Variants in PPFIA1 observed in about 807,000 individuals in gnomAD.
PPFIA1 encodes PPFI scaffold protein A1.
In PPFIA1, 25 loss-of-function variants were observed where a neutral mutation model predicts 149.9. The observed-to-expected ratio is 0.17, with a 90% CI of 0.12 to 0.23. The LOEUF (loss-of-function observed/expected upper bound fraction) is 0.23. PPFIA1 is among the 10% of genes least tolerant of loss of function. The probability of loss-of-function intolerance (pLI) is 1.00; values close to 1 mark genes in which losing one functional copy is unlikely to be tolerated. For synonymous variants in PPFIA1, 549 were observed against 552.8 expected, an observed-to-expected ratio of 0.99 and a Z score of 0.10; for missense variants, 1,362 against 1,506.5, an observed-to-expected ratio of 0.90 and a Z score of 1.59.
rs560581316 is a variant in PPFIA1 at position 70,274,342 on chromosome 11, C to T, written c.264+1906C>T. Among the ~76,000 whole-genome samples the T allele has an allele frequency of 6.6e-5, 10 of 152,210 alleles. No individual in the cohort carries two copies. The South Asian group carries it at 2.1e-3, about 32-fold the overall frequency. Reference sequence around the variant, plus strand: ...TAAGTATACATCTCAGTGGACTTTTCACAAAGTTAACACACTTGCATACCA... The same window carrying T: ...TAAGTATACATCTCAGTGGACTTTTTACAAAGTTAACACACTTGCATACCA... On this transcript the variant is annotated intron_variant, in intron 2 of 27. Coordinates refer to ENST00000253925, the MANE Select transcript of PPFIA1 (RefSeq NM_003626.5).
intron 26 of PPFIA1, among the ~76,000 whole-genome samples, chr11:70,380,393 C>T (rs568735736): frequency 2.6e-5 from 4 of 151,278 alleles, no homozygotes; most frequent in African/African-American, 4.9e-5. Context: ...CGGTGAAACT[C>T]CATCTCTACT....
At chr11:70,275,389 A>G (rs1459879018) in intron 2 of PPFIA1, among the ~76,000 whole-genome samples, 1 of 151,734 alleles carries the variant, frequency 6.6e-6, no homozygotes, top group Non-Finnish European at 1.5e-5. Context: ...TTGCCTTTTC[A>G]CTCTCTCAGT....
At chr11:70,335,485 C>G in intron 10 of PPFIA1, 78 bp from the exon 11 acceptor site, 6 of 1,539,484 alleles carry the variant, frequency 3.9e-6, no homozygotes, top group Non-Finnish European at 5.3e-6. Context: ...TGGGGCTCAC[C>G]CTGTTGGTCC....
At chr11:70,324,781 C>T (rs1020825765) in intron 3 of PPFIA1, 66 bp from the exon 4 acceptor site, 1 of 1,395,992 alleles carries the variant, frequency 7.2e-7, no homozygotes, top group Admixed American at 2.3e-5. Context: ...GAGTTATTTG[C>T]CCCAGATTCA....
intron 23 of PPFIA1, 26 bp downstream of exon 23, chr11:70,372,600 C>A (rs10466704): frequency 4.3e-5 from 67 of 1,551,456 alleles, no homozygotes; most frequent in Admixed American, 1.8e-4. Flanking sequence ...TTAATTGATT[C>A]GGTTTACTCC....
chr11:70,324,115 T>G (rs927465684), intron 2 of PPFIA1, among the ~76,000 whole-genome samples: 1 of 152,232 alleles, frequency 6.6e-6, no homozygotes, highest in Non-Finnish European at 1.5e-5. Flanking sequence ...GGAAAATGTT[T>G]TGGACTTCTC....
chr11:70,334,299 G>A (rs773340499), intron 10 of PPFIA1: 8 of 152,248 alleles, frequency 5.3e-5, no homozygotes, highest in Middle Eastern at 3.4e-3. Context: ...CTCTTGCACC[G>A]TCACATCAGC....
Position 70,362,096 on chromosome 11 carries a change from C to T in PPFIA1, c.2584C>T (p.His862Tyr), listed in dbSNP as rs1308946267. The change falls in exon 20 of 28, where the codon CAT (histidine) becomes TAT (tyrosine). Residue 862 changes from histidine (H) to tyrosine (Y), a missense_variant and splice_region_variant. Around this residue, in one of 7 missense-constraint regions of PPFIA1, gnomAD observed 91 missense variants for 91.2 expected, o/e 1.00. Transcript: ENST00000253925. ...TTTTCAATATCTTCTCCTTTATAGG[C>T]ATGAATTGCTGGAGGAAGCCCGGAG... is the stretch of plus-strand genomic sequence containing the variant. ...AEKNRKLQKKHELLEEARRQG... is the reference protein window; with the variant it reads ...AEKNRKLQKKYELLEEARRQG... 6.2e-7 allele frequency: 1 copy of T among 1,613,680 alleles called. No homozygotes were observed. The highest frequency in any genetic ancestry group is 8.5e-7 in the Non-Finnish European group (1 of 1,179,646).
Position 70,384,135 on chromosome 11 carries a change from AC to A in PPFIA1, c.*1146del, listed in dbSNP as rs1356600854. On this transcript the variant is annotated 3_prime_UTR_variant, in exon 28 of 28. Coordinates refer to ENST00000253925, the MANE Select transcript of PPFIA1 (RefSeq NM_003626.5). ...CTTTTACTTTTTAAATGGCATATTA[AC>A]AAGCCAGCAAAGTGTGTCAGACCAT... 1 of 152,224 alleles carries A rather than the reference AC, an allele frequency of 6.6e-6. No individual in the cohort carries two copies. Among genetic ancestry groups the A allele is most frequent in the African/African-American group, 2.4e-5 (1 of 41,452 alleles). The allele number at this position is 152,224 out of a possible 1,614,324, so 9.4% of individuals were successfully genotyped here.
rs1359880961 is a variant in PPFIA1, at chr11:70,356,216, G to C, written c.2544G>C (p.Leu848Phe). 2 of 1,613,586 alleles carry C rather than the reference G, an allele frequency of 1.2e-6. No homozygotes were observed. Among genetic ancestry groups the C allele is most frequent in the Non-Finnish European group, 1.7e-6 (2 of 1,179,952 alleles). Residue 848 changes from leucine (L) to phenylalanine (F), a missense_variant, in exon 19 of 28, where the codon TTG (leucine) becomes TTC (phenylalanine). Coordinates refer to ENST00000253925, the MANE Select transcript of PPFIA1 (RefSeq NM_003626.5). ...AGGATGCCTTGGGACTTAGCAAATT[G>C]GGGGGACAGGCTGAAAAAAATCGTA... Reference protein sequence around the residue: ...SSQDALGLSKLGGQAEKNRKL... With the variant: ...SSQDALGLSKFGGQAEKNRKL...
In PPFIA1 at chr11:70,345,928, G is replaced by T. The variant is rs754323282; in HGVS notation, c.1931+2036G>T. 14 of 431,452 alleles carry T rather than the reference G, an allele frequency of 3.2e-5. 1 individual carries two copies. Among genetic ancestry groups the T allele is most frequent in the South Asian group, 2.3e-4 (14 of 61,784 alleles). 26.7% of individuals were successfully genotyped at this position (431,452 alleles called of 1,614,324 possible). A position where few individuals can be genotyped will look rare whatever the true frequency, so the allele number is the denominator to read the frequency against. ...CAGTGGCCTGGTACAGAACACTGGAGCTCTTCAGGAGTGCACGGCTCCACT... is the reference window on the plus strand; with the variant it reads ...CAGTGGCCTGGTACAGAACACTGGATCTCTTCAGGAGTGCACGGCTCCACT... On this transcript the variant is annotated intron_variant, in intron 15 of 27. Transcript: ENST00000253925.
intron 24 of PPFIA1, 66 bp downstream of exon 24, chr11:70,375,159 T>C: frequency 1.0e-6 from 1 of 954,076 alleles, no homozygotes; most frequent in Non-Finnish European, 1.4e-6. Flanking sequence ...AGACAGCTAG[T>C]TATTCGAATA....
intron 2 of PPFIA1, among the ~76,000 whole-genome samples, chr11:70,298,422 A>G (rs908898771): frequency 6.6e-6 from 1 of 152,216 alleles, no homozygotes; most frequent in Admixed American, 6.5e-5. Context: ...GAATTAGGAG[A>G]CTGCTTAAAA....
intron 2 of PPFIA1, among the ~76,000 whole-genome samples, chr11:70,296,818 A>G (rs889521002): frequency 2.0e-5 from 3 of 151,816 alleles, no homozygotes; most frequent in African/African-American, 7.3e-5. Flanking sequence ...TTCTTTGCTT[A>G]TGGAGAGGAT....
At position 70,335,652 on chromosome 11, in the gene PPFIA1, T is replaced by C; in HGVS notation, c.1386T>C (p.Leu462=). 6.2e-7 allele frequency: 1 copy of C among 1,614,066 alleles called. No homozygotes were observed. Among genetic ancestry groups the C allele is most frequent in the African/African-American group, 1.3e-5 (1 of 75,054 alleles). ...TGCTTTCAGAATCTAATGAGAGGCT[T>C]CAACTTCATCTTAAAGAGAGAATGG... is the stretch of plus-strand genomic sequence containing the variant. ...DKLLSESNER[L]QLHLKERMAA... The change falls in exon 11 of 28, where the codon CTT becomes CTC. Residue 462 remains leucine (L), a synonymous_variant. Coordinates refer to ENST00000253925, the MANE Select transcript of PPFIA1 (RefSeq NM_003626.5).
chr11:70,365,961 G>T, intron 21 of PPFIA1: 1 of 456,630 alleles, frequency 2.2e-6, no homozygotes, highest in Non-Finnish European at 4.4e-6. Flanking sequence ...AGGGAAGCTG[G>T]GCTCAGGTTG....
At chr11:70,291,177 C>T (rs887494135) in intron 2 of PPFIA1, among the ~76,000 whole-genome samples, 2 of 152,190 alleles carry the variant, frequency 1.3e-5, no homozygotes, top group Non-Finnish European at 2.9e-5. Context: ...TGAGCCACCA[C>T]GCCCAGCCGA....
chr11:70,271,099 G>C (rs1480417018), intron 1 of PPFIA1, 185 bp downstream of exon 1: 3 of 152,002 alleles, frequency 2.0e-5, no homozygotes, highest in African/African-American at 7.2e-5. Flanking sequence ...CGCGCCCCAA[G>C]GGACGGCTCC....
chr11:70,274,023 C>T (rs1039752172), intron 2 of PPFIA1, among the ~76,000 whole-genome samples: 1 of 152,192 alleles, frequency 6.6e-6, no homozygotes, highest in Non-Finnish European at 1.5e-5. Flanking sequence ...GTTTCTGGCA[C>T]TGCTCAGTGT....
Sources: gnomAD v4.1 joint callset for allele counts (sites outside exome capture counted in the v4.1 genomes callset) on GRCh38, gnomAD v4.1.1 for gene constraint, gnomAD v4.1.1 regional missense constraint, MANE v1.5 for transcripts, NCBI Gene and HGNC (gene_info 2026-07-23, HGNC 2026-07-21) for gene names.